The following ITK variants were observed in gnomAD, a reference collection of about 807,000 sequenced individuals.
ITK encodes tyrosine-protein kinase ITK/TSK.
A neutral mutation model predicts 87.6 loss-of-function variants in ITK; 45 were observed. The observed-to-expected ratio is 0.51, with a 90% confidence interval of 0.40 to 0.66. The LOEUF (loss-of-function observed/expected upper bound fraction) is 0.66, where lower values mean the gene tolerates loss of function less well. Ranked by LOEUF, ITK falls within the 30% of genes least tolerant of loss-of-function variation. The pLI, the probability that ITK is intolerant of heterozygous loss-of-function variation, is 0.00. For synonymous variants in ITK, 303 were observed against 273.6 expected (o/e 1.11, Z -1.06); for missense variants, 605 against 766.3 (o/e 0.79, Z 2.48).
intron 1 of ITK, among the ~76,000 whole-genome samples, chr5:157,184,372 A>G (rs1580870854): frequency 1.3e-5 from 2 of 152,248 alleles, no homozygotes; most frequent in Middle Eastern, 3.4e-3. Flanking sequence ...AAAACTTAAC[A>G]ATTAGCTACC....
chr5:157,242,157 T>C (rs1028506953), intron 11 of ITK, among the ~76,000 whole-genome samples: 4 of 152,000 alleles, frequency 2.6e-5, no homozygotes, highest in Non-Finnish European at 4.4e-5. Flanking sequence ...CATAAGAGAG[T>C]GTTAAAATTC....
intron 6 of ITK, 120 bp from the exon 7 acceptor site, chr5:157,228,176 C>A: frequency 1.4e-6 from 1 of 727,596 alleles, no homozygotes; most frequent in Non-Finnish European, 2.4e-6. Context: ...AATGTCTTAT[C>A]GCAAATGCCA....
chr5:157,205,969 ATTAGCC>A, intron 1 of ITK, among the ~76,000 whole-genome samples: 1 of 138,640 alleles, frequency 7.2e-6, no homozygotes, highest in African/African-American at 2.7e-5. Flanking sequence ...GTAAAAAAGG[ATTAGCC>A]TTTTTTTTTT....
At chr5:157,186,531 C>T (rs1753646474) in intron 1 of ITK, among the ~76,000 whole-genome samples, 1 of 152,080 alleles carries the variant, frequency 6.6e-6, no homozygotes, top group Admixed American at 6.6e-5. Flanking sequence ...AAAAAGTTAG[C>T]CAGGCATGGT....
chr5:157,218,358 A>C (rs1336776967), intron 5 of ITK, among the ~76,000 whole-genome samples: 1 of 151,918 alleles, frequency 6.6e-6, no homozygotes, highest in East Asian at 1.9e-4. Flanking sequence ...ATTTTTAAAA[A>C]TTAGCTGGTG....
chr5:157,217,810 G>A (rs1374189625), intron 4 of ITK, 57 bp from the exon 5 acceptor site: 44 of 1,519,842 alleles, frequency 2.9e-5, no homozygotes, highest in African/African-American at 1.1e-4. Flanking sequence ...GCTCACTTCC[G>A]GTTGGGTCCA....
intron 5 of ITK, among the ~76,000 whole-genome samples, chr5:157,220,701 A>C (rs1754396903): frequency 6.6e-6 from 1 of 152,024 alleles, no homozygotes; most frequent in Non-Finnish European, 1.5e-5. Context: ...CCATCCCTTG[A>C]TTTTCTCACT....
At chr5:157,219,457 T>C (rs574201419) in intron 5 of ITK, among the ~76,000 whole-genome samples, 1 of 152,316 alleles carries the variant, frequency 6.6e-6, no homozygotes, top group Non-Finnish European at 1.5e-5. Context: ...GAGCAAGTTC[T>C]TTAACAAGAG....
At chr5:157,195,533 A>C (rs1284181782) in intron 1 of ITK, 1 of 152,222 alleles carries the variant, frequency 6.6e-6, no homozygotes, top group Non-Finnish European at 1.5e-5. Context: ...AATAATTTTA[A>C]AAAAACAGTT....
At chr5:157,240,835 G>A (rs545884576) in intron 10 of ITK, 1 of 153,786 alleles carries the variant, frequency 6.5e-6, no homozygotes, top group Admixed American at 6.4e-5. Flanking sequence ...CATTTGTGAT[G>A]GATCCCACCT....
chr5:157,185,492 G>A lies in ITK; in HGVS notation c.138+4377G>A, dbSNP rs138645987. 5.3e-3 allele frequency among the ~76,000 whole-genome samples: 808 copies of A among 151,960 alleles called. 7 individuals carry two copies. The highest frequency in any genetic ancestry group is 0.018 in the African/African-American group (750 of 41,466). ...CCTGACCTCATGGTCTGCCCACCTCGGCCTCCCAAAGTGCTGGGATTACAG... is the reference window on the plus strand; with the variant it reads ...CCTGACCTCATGGTCTGCCCACCTCAGCCTCCCAAAGTGCTGGGATTACAG... On this transcript the variant is annotated intron_variant, in intron 1 of 16. Coordinates refer to ENST00000422843, the MANE Select transcript of ITK (RefSeq NM_005546.4).
chr5:157,232,392 A>T lies in ITK; in HGVS notation c.766A>T (p.Thr256Ser), dbSNP rs1379215056. The part of the protein sequence containing the change: ...RDKAEKLLLD[T>S]GKEGAFMVRD... ...CAAAGCTGAAAAACTTCTTTTGGAC[A>T]CAGTAAGTCTCCTTAACCTGTCTTT... Residue 256 changes from threonine (T) to serine (S), a missense_variant and splice_region_variant, in exon 8 of 17, where the codon ACA becomes TCA. Physicochemically the swap from Thr to Ser is moderately conservative, Grantham distance 58 (BLOSUM62 1). Transcript: ENST00000422843. The T allele has an allele frequency of 6.3e-7, 1 of 1,599,672 alleles. No individual in the cohort carries two copies. Among genetic ancestry groups the T allele is most frequent in the East Asian group, 2.2e-5 (1 of 44,822 alleles).
chr5:157,201,944 T>C (rs191942366), intron 1 of ITK, among the ~76,000 whole-genome samples: 2 of 152,254 alleles, frequency 1.3e-5, no homozygotes, highest in Admixed American at 6.5e-5. Context: ...ATCACCCAGG[T>C]AATAAGCATA....
At chr5:157,181,408 G>A (rs1456683691) in intron 1 of ITK, among the ~76,000 whole-genome samples, 1 of 152,136 alleles carries the variant, frequency 6.6e-6, no homozygotes, top group Non-Finnish European at 1.5e-5. Context: ...ATTTTAGGTA[G>A]CAAGTATTAT....
chr5:157,243,526 G>T, intron 11 of ITK, 97 bp from the exon 12 acceptor site: 1 of 967,508 alleles, frequency 1.0e-6, no homozygotes, highest in Non-Finnish European at 1.7e-6. Flanking sequence ...ATTAACAATA[G>T]GCTAAAATTC....
rs77550440 is a variant in ITK, at chr5:157,196,290, C to T, written c.139-12599C>T. On this transcript the variant is annotated intron_variant, in intron 1 of 16. Coordinates refer to ENST00000422843, the MANE Select transcript of ITK (RefSeq NM_005546.4). ...TTGTACCAGTGAACATTCCCCAGGG[C>T]CACATGTGAGAAGCATGTTTTCTCA... Among the ~76,000 whole-genome samples the T allele has an allele frequency of 5.9e-5, 9 of 152,260 alleles. No individual in the cohort carries two copies. The East Asian group carries it at 1.7e-3, about 29-fold the overall frequency.
Position 157,254,457 on chromosome 5 carries a change from G to C in ITK, c.*1779G>C. ...TTAATTATCATTCCAACTTTCAGCT[G>C]TAGTCTTCTTGAACACTTCATGAGG... On this transcript the variant is annotated 3_prime_UTR_variant, in exon 17 of 17. Coordinates refer to ENST00000422843, the MANE Select transcript of ITK (RefSeq NM_005546.4). 1 of 221,512 alleles carries C rather than the reference G, an allele frequency of 4.5e-6. No homozygotes were observed. Among genetic ancestry groups the C allele is most frequent in the Admixed American group, 5.7e-5 (1 of 17,430 alleles). 13.7% of individuals were successfully genotyped at this position (221,512 alleles called of 1,614,324 possible).
intron 1 of ITK, among the ~76,000 whole-genome samples, chr5:157,181,863 T>C (rs745721995): frequency 6.6e-5 from 10 of 152,192 alleles, no homozygotes; most frequent in Non-Finnish European, 1.2e-4. Context: ...TTAACATCAC[T>C]AATAACAAAA....
intron 11 of ITK, 100 bp downstream of exon 11, chr5:157,241,820 T>A: frequency 1.3e-6 from 1 of 798,340 alleles, no homozygotes; most frequent in South Asian, 1.4e-5. Flanking sequence ...AGACTACAAA[T>A]CACCATTAAA....
Sources: gnomAD v4.1 joint callset for allele counts (sites outside exome capture counted in the v4.1 genomes callset) on GRCh38, gnomAD v4.1.1 for gene constraint, MANE v1.5 for transcripts, NCBI Gene and HGNC (gene_info 2026-07-23, HGNC 2026-07-21) for gene names.